The following LRRC37B variants were observed in gnomAD, a reference collection of about 807,000 sequenced individuals.
LRRC37B encodes leucine-rich repeat-containing protein 37B.
LRRC37B carries 28 observed loss-of-function variants against 98.3 expected under a neutral mutation model. The ratio of observed to expected loss-of-function variants is 0.28; its 90% CI spans 0.21 to 0.39. LRRC37B has a LOEUF of 0.39. Ranked by LOEUF, LRRC37B falls within the 10% of genes least tolerant of loss-of-function variation. The probability of loss-of-function intolerance (pLI) is 1.00; values close to 1 mark genes in which losing one functional copy is unlikely to be tolerated. For missense variants in LRRC37B, 938 were observed against 1,182.7 expected, an observed-to-expected ratio of 0.79 and a Z score of 3.03; for synonymous variants, 364 against 442.7, an observed-to-expected ratio of 0.82 and a Z score of 2.23.
chr17:32,029,154 G>A (rs544917994), intron 3 of LRRC37B, among the ~76,000 whole-genome samples: 18 of 151,788 alleles, frequency 1.2e-4, no homozygotes, highest in African/African-American at 4.1e-4. Flanking sequence ...GGCACACGCC[G>A]CCATGCCCAG....
intron 8 of LRRC37B, among the ~76,000 whole-genome samples, chr17:32,046,809 C>T (rs1004567389): frequency 2.6e-5 from 4 of 152,008 alleles, no homozygotes; most frequent in African/African-American, 9.7e-5. Flanking sequence ...TTCCGCTGAC[C>T]TTCAGCACCA....
intron 7 of LRRC37B, among the ~76,000 whole-genome samples, chr17:32,039,758 T>C (rs1911373190): frequency 6.6e-6 from 1 of 151,340 alleles, no homozygotes; most frequent in Non-Finnish European, 1.5e-5. Context: ...AAGATTAGCA[T>C]GGAAAGGGCC....
rs371745208 is a variant in LRRC37B at position 32,045,696 on chromosome 17, A to G, written c.2205-4A>G. 2.5e-5 allele frequency: 40 copies of G among 1,605,382 alleles called. No individual in the cohort carries two copies. Among genetic ancestry groups the G allele is most frequent in the South Asian group, 2.0e-4 (18 of 91,028 alleles). ...AATTTATTGTTTTGTGTTTTCATCT[A>G]TAGGATCTTACCTAGCCATATGGCC... On this transcript the variant is annotated splice_region_variant and splice_polypyrimidine_tract_variant and intron_variant, in intron 7 of 11. Transcript: ENST00000327564.
At chr17:32,030,035 C>A (rs1416272081) in intron 3 of LRRC37B, among the ~76,000 whole-genome samples, 1 of 151,978 alleles carries the variant, frequency 6.6e-6, no homozygotes, top group East Asian at 1.9e-4. Flanking sequence ...AACGTTACAC[C>A]ATCCAGGTAA....
chr17:32,008,284 G>C (rs1567845540), intron 1 of LRRC37B, among the ~76,000 whole-genome samples, 152 bp downstream of exon 1: 1 of 152,118 alleles, frequency 6.6e-6, no homozygotes, highest in African/African-American at 2.4e-5. Flanking sequence ...ACATCAAGTG[G>C]CAAAAAACTA....
At chr17:32,049,232 C>G in exon 10 of LRRC37B, 1 of 1,614,038 alleles carries the variant, frequency 6.2e-7, no homozygotes, top group Non-Finnish European at 8.5e-7. Flanking sequence ...TGCAAGGGAG[C>G]TGTGCCAAGC....
Position 32,035,730 on chromosome 17 carries a change from T to C in LRRC37B, c.2204+91T>C, listed in dbSNP as rs1911229594. On this transcript the variant is annotated intron_variant, in intron 7 of 11. Transcript: ENST00000327564. The stretch of plus-strand genomic sequence containing the variant: ...TTAAGTCAGGTTTATTGAGATTTAA[T>C]TTTCATATAACATTCACCCTTTATA... 4 of 1,331,602 alleles carry C rather than the reference T, an allele frequency of 3.0e-6. No individual in the cohort carries two copies. In the Admixed American group the frequency reaches 6.2e-5, roughly 21 times the overall value. The allele number at this position is 1,331,602 out of a possible 1,614,324, so 82.5% of individuals were successfully genotyped here. A position where few individuals can be genotyped will look rare whatever the true frequency, so the allele number is the denominator to read the frequency against.
At chr17:32,048,842 G>A in intron 9 of LRRC37B, 2 of 1,416,286 alleles carry the variant, frequency 1.4e-6, no homozygotes, top group Non-Finnish European at 2.0e-6. Flanking sequence ...TCTGGAAGTA[G>A]TTGCTCCTTC....
intron 1 of LRRC37B, among the ~76,000 whole-genome samples, chr17:32,023,575 G>T (rs1012679240): frequency 2.1e-4 from 32 of 152,276 alleles, no homozygotes; most frequent in African/African-American, 7.7e-4. Context: ...TCTGCTCTGT[G>T]ACTCAATTTC....
At chr17:32,023,338 G>C (rs1412329602) in intron 1 of LRRC37B, among the ~76,000 whole-genome samples, 1 of 151,994 alleles carries the variant, frequency 6.6e-6, no homozygotes, top group Non-Finnish European at 1.5e-5. Flanking sequence ...GGTCAGGCTG[G>C]TCTTGAACTC....
intron 2 of LRRC37B, among the ~76,000 whole-genome samples, chr17:32,027,010 T>C (rs542788093): frequency 1.8e-4 from 28 of 152,230 alleles, no homozygotes; most frequent in Non-Finnish European, 3.8e-4. Context: ...GGTAACAGAA[T>C]GGACCCTGTC....
intron 5 of LRRC37B, among the ~76,000 whole-genome samples, chr17:32,032,868 C>A (rs1035003026): frequency 1.3e-5 from 2 of 152,210 alleles, no homozygotes; most frequent in Non-Finnish European, 2.9e-5. Context: ...GGGAGTCCCA[C>A]ATCAGAATCT....
chr17:32,031,120 A>C lies in LRRC37B; in HGVS notation c.1977-258A>C, dbSNP rs7206936. Among the ~76,000 whole-genome samples the C allele has an allele frequency of 5.7e-3, 866 of 152,118 alleles. 8 individuals are homozygous for C. Among genetic ancestry groups the C allele is most frequent in the African/African-American group, 0.02 (830 of 41,492 alleles). On this transcript the variant is annotated intron_variant, in intron 4 of 11. Coordinates refer to ENST00000327564, the Ensembl canonical transcript of LRRC37B. Reference sequence around the variant, plus strand: ...TAGTCCAAAATGTCGATGGTACTGAAGTTGTGAAATCCTGTTCTAGAGAAA... The same window carrying C: ...TAGTCCAAAATGTCGATGGTACTGACGTTGTGAAATCCTGTTCTAGAGAAA...
upstream of LRRC37B, chr17:32,020,923 G>C: frequency 1.4e-6 from 2 of 1,425,250 alleles, no homozygotes; most frequent in East Asian, 2.5e-5. Flanking sequence ...TCACTAAGGG[G>C]AGGGGAGGGG....
At chr17:32,017,743 GA>G (rs1191769575), upstream of LRRC37B, among the ~76,000 whole-genome samples, 1 of 152,120 alleles carries the variant, frequency 6.6e-6, no homozygotes, top group East Asian at 1.9e-4. Flanking sequence ...AGTGAGCTAT[GA>G]TAGTGCCACT....
intron 7 of LRRC37B, among the ~76,000 whole-genome samples, chr17:32,039,363 G>A (rs1302418300): frequency 2.0e-5 from 3 of 148,532 alleles, no homozygotes; most frequent in Non-Finnish European, 4.5e-5. Flanking sequence ...TGTAGTCCCC[G>A]CTACTGGGGA....
chr17:32,045,527 G>T (rs1377220282), intron 7 of LRRC37B, 173 bp from the exon 11 acceptor site: 11 of 642,276 alleles, frequency 1.7e-5, no homozygotes, highest in Non-Finnish European at 2.7e-5. Flanking sequence ...TTACCCTTCA[G>T]TTGGGCACCT....
chr17:32,026,223 A>T (rs1910947561), intron 2 of LRRC37B, among the ~76,000 whole-genome samples: 1 of 152,206 alleles, frequency 6.6e-6, no homozygotes, highest in Admixed American at 6.5e-5. Context: ...TAAATTAAAA[A>T]TCAAACACAT....
At chr17:32,053,408 T>G (rs1042735105) in exon 12 of LRRC37B, 24 of 966,802 alleles carry the variant, frequency 2.5e-5, no homozygotes, top group Admixed American at 1.1e-4. Context: ...CTTAAATCAA[T>G]GAAAACTTTC....
Sources: allele counts gnomAD v4.1 joint callset (sites outside exome capture counted in the v4.1 genomes callset), GRCh38; gene constraint gnomAD v4.1.1; transcripts MANE v1.5; gene names NCBI Gene and HGNC (gene_info 2026-07-23, HGNC 2026-07-21).